Variants in SLC2A9 observed in about 807,000 individuals in gnomAD.
The protein encoded by SLC2A9 is solute carrier family 2, facilitated glucose transporter member 9.
Under a neutral mutation model 50.6 loss-of-function variants are expected in SLC2A9, and 39 were observed. The ratio of observed to expected loss-of-function variants is 0.77; its 90% CI spans 0.60 to 1.01. The LOEUF (loss-of-function observed/expected upper bound fraction) is 1.01. Ranked by LOEUF, SLC2A9 falls within the 50% of genes least tolerant of loss-of-function variation. The probability of loss-of-function intolerance (pLI) is 0.00; values close to 1 mark genes in which losing one functional copy is unlikely to be tolerated. For synonymous variants in SLC2A9, 324 were observed against 276.9 expected, an observed-to-expected ratio of 1.17 and a Z score of -1.69; for missense variants, 686 against 677.6, an observed-to-expected ratio of 1.01 and a Z score of -0.14.
rs1321062627 is a variant in SLC2A9, at chr4:9,980,531, C to G, written c.681+61G>C. On this transcript the variant is annotated intron_variant, in intron 5 of 11. Transcript: ENST00000264784. ...GGGACCAGCTTTTGGAGAAAAGGCT[C>G]CTTCCTGCAGTGGTAACATGAGATG... 3 of 1,610,908 alleles carry G rather than the reference C, an allele frequency of 1.9e-6. No homozygotes were observed. In the East Asian group the frequency reaches 6.7e-5, roughly 36 times the overall value.
intron 6 of SLC2A9, among the ~76,000 whole-genome samples, chr4:9,937,356 G>A (rs1747280219): frequency 6.6e-6 from 1 of 152,094 alleles, no homozygotes; most frequent in African/African-American, 2.4e-5. Flanking sequence ...GTGGGCCTCT[G>A]TTTCTTCACT....
intron 3 of SLC2A9, among the ~76,000 whole-genome samples, chr4:9,803,463 A>C (rs1407433621): frequency 6.6e-6 from 1 of 152,240 alleles, no homozygotes; most frequent in African/African-American, 2.4e-5. Context: ...ACAGATGAGA[A>C]ACTGAGGCTC....
intron 6 of SLC2A9, among the ~76,000 whole-genome samples, chr4:9,932,937 C>T (rs12507606): frequency 0.29 from 43,398 of 152,130 alleles, 6,959 homozygotes; most frequent in African/African-American, 0.41. Context: ...GTTCCAGCAC[C>T]ATCAGCTGTG....
chr4:9,791,546 A>G (rs1719920795), intron 3 of SLC2A9, among the ~76,000 whole-genome samples: 1 of 152,154 alleles, frequency 6.6e-6, no homozygotes, highest in African/African-American at 2.4e-5. Context: ...TGTATTTTGC[A>G]TGGGGTGGAG....
At position 9,853,234 on chromosome 4, in the gene SLC2A9, T is replaced by C. The variant is rs1438015231; in HGVS notation, c.1292-18226A>G. On this transcript the variant is annotated intron_variant, in intron 10 of 11. Coordinates refer to ENST00000264784, the MANE Select transcript of SLC2A9 (RefSeq NM_020041.3). Reference sequence around the variant, plus strand: ...GCTTGATAAAGAAGCCAGACCCAACTATATGCTGTCTTCAAGACACCCATC... The same window carrying C: ...GCTTGATAAAGAAGCCAGACCCAACCATATGCTGTCTTCAAGACACCCATC... Among the ~76,000 whole-genome samples, 4 of 148,442 alleles carry C rather than the reference T, an allele frequency of 2.7e-5. No homozygotes were observed. In the East Asian group the frequency reaches 7.9e-4, roughly 29 times the overall value.
chr4:9,920,680 T>A, intron 6 of SLC2A9, 108 bp from the exon 7 acceptor site: 1 of 1,346,590 alleles, frequency 7.4e-7, no homozygotes, highest in Non-Finnish European at 1.1e-6. Context: ...ACACCTTAGC[T>A]GGGGGCGGAA....
At chr4:10,037,595 T>TA (rs35451018) in intron 1 of SLC2A9, among the ~76,000 whole-genome samples, 81,031 of 151,796 alleles carry the variant, frequency 0.53, 22,877 homozygotes, top group East Asian at 0.89. Context: ...TCCAACAGTT[T>TA]AAAAAATAAA....
intron 3 of SLC2A9, among the ~76,000 whole-genome samples, chr4:9,784,825 C>T (rs62293239): frequency 3.9e-5 from 6 of 152,138 alleles, no homozygotes; most frequent in Admixed American, 1.3e-4. Context: ...GCTTTGAAGC[C>T]GTTTTATCAA....
downstream of SLC2A9, among the ~76,000 whole-genome samples, chr4:9,825,528 A>G (rs904234361): frequency 1.2e-4 from 3 of 25,370 alleles, no homozygotes; most frequent in Admixed American, 1.5e-3. Context: ...CCAATTAATC[A>G]CAATGTTTTT....
intron 6 of SLC2A9, among the ~76,000 whole-genome samples, chr4:9,926,492 G>A (rs931521803): frequency 3.3e-5 from 5 of 151,212 alleles, no homozygotes; most frequent in Non-Finnish European, 7.4e-5. Context: ...ACCAGTGTTC[G>A]ATGTTGGCAC....
intron 10 of SLC2A9, among the ~76,000 whole-genome samples, chr4:9,874,750 A>G (rs1403475147): frequency 6.6e-6 from 1 of 152,096 alleles, no homozygotes. Context: ...CTCACAGGTT[A>G]GTGTCTAAGG....
intron 3 of SLC2A9, among the ~76,000 whole-genome samples, chr4:9,801,613 C>T (rs976292296): frequency 6.6e-6 from 1 of 152,180 alleles, no homozygotes; most frequent in Non-Finnish European, 1.5e-5. Flanking sequence ...AACTGCTGGG[C>T]TACGGGCTGA....
chr4:9,918,482 A>T (rs1743313658), intron 7 of SLC2A9, among the ~76,000 whole-genome samples: 1 of 152,110 alleles, frequency 6.6e-6, no homozygotes, highest in Non-Finnish European at 1.5e-5. Flanking sequence ...CCTGAGTGAC[A>T]TGCATGGGGG....
At chr4:9,952,650 C>T (rs572952149) in intron 5 of SLC2A9, among the ~76,000 whole-genome samples, 1 of 151,996 alleles carries the variant, frequency 6.6e-6, no homozygotes, top group Admixed American at 6.6e-5. Flanking sequence ...CTTAGCCTCC[C>T]GGTAGCTAGG....
At chr4:9,822,099 A>G (rs1458441918), downstream of SLC2A9, among the ~76,000 whole-genome samples, 1 of 152,238 alleles carries the variant, frequency 6.6e-6, no homozygotes, top group South Asian at 2.1e-4. Context: ...GCTCTTGGCA[A>G]GTTGTGTCCT....
Position 9,773,717 on chromosome 4 carries a change from G to A in SLC2A9, n.182-2348C>T, listed in dbSNP as rs115182908. On this transcript the variant is annotated intron_variant and non_coding_transcript_variant, in intron 1 of 1. Transcript: ENST00000508585. ...AGTTGATTAGAGCCTGTGCTGATGA[G>A]GCTGAGCTCTGACAAGTCAACGTCA... Among the ~76,000 whole-genome samples the A allele has an allele frequency of 5.3e-3, 806 of 152,300 alleles. 6 individuals are homozygous for A. The highest frequency in any genetic ancestry group is 0.018 in the African/African-American group (744 of 41,558).
intron 5 of SLC2A9, among the ~76,000 whole-genome samples, chr4:9,950,739 A>ATT (rs1184484972): frequency 9.9e-5 from 3 of 30,420 alleles, no homozygotes; most frequent in African/African-American, 4.3e-4. Flanking sequence ...TAAAAATACA[A>ATT]AAAATTAGCC....
chr4:9,966,976 CTT>C (rs1355093745), intron 5 of SLC2A9, among the ~76,000 whole-genome samples: 1 of 152,138 alleles, frequency 6.6e-6, no homozygotes, highest in Admixed American at 6.6e-5. Flanking sequence ...ATTGTTGTCA[CTT>C]TATTACATGT....
downstream of SLC2A9, among the ~76,000 whole-genome samples, chr4:9,775,572 C>T (rs1443486051): frequency 2.0e-5 from 3 of 152,028 alleles, no homozygotes; most frequent in African/African-American, 7.2e-5. Flanking sequence ...TGGCTTGGTG[C>T]TGTCTTCGAG....
Sources: allele counts gnomAD v4.1 joint callset (sites outside exome capture counted in the v4.1 genomes callset), GRCh38; gene constraint gnomAD v4.1.1; transcripts MANE v1.5; gene names NCBI Gene and HGNC (gene_info 2026-07-23, HGNC 2026-07-21).